The following PRIM2 variants were observed in gnomAD, a reference collection of about 807,000 sequenced individuals.
PRIM2 encodes the protein DNA primase large subunit.
PRIM2 carries 39 observed loss-of-function variants against 67.3 expected under a neutral mutation model. The observed-to-expected ratio is 0.58, with a 90% CI of 0.45 to 0.76. PRIM2 has a LOEUF of 0.76. Among genes scored for constraint, PRIM2 ranks in the 30% least tolerant of loss-of-function variants. The pLI, the probability that PRIM2 is intolerant of heterozygous loss-of-function variation, is 0.00. For missense variants in PRIM2, 398 were observed against 598.7 expected (o/e 0.66, Z 3.50); for synonymous variants, 143 against 198.7 (o/e 0.72, Z 2.36).
In PRIM2 at chr6:57,469,877, A is replaced by G. The variant is rs1477946839; in HGVS notation, c.694-37510A>G. 3.3e-5 allele frequency among the ~76,000 whole-genome samples: 5 copies of G among 152,368 alleles called. No individual in the cohort carries two copies. The South Asian group carries it at 1.0e-3, about 32-fold the overall frequency. On this transcript the variant is annotated intron_variant, in intron 7 of 13. Transcript: ENST00000615550. ...ATCTAAAAGATCTCCACCACACAGAATTATAAACTTCTGCTGCCCACATTT... is the reference window on the plus strand; with the variant it reads ...ATCTAAAAGATCTCCACCACACAGAGTTATAAACTTCTGCTGCCCACATTT...
intron 11 of PRIM2, among the ~76,000 whole-genome samples, chr6:57,605,160 G>A (rs1304315739): frequency 1.3e-5 from 2 of 152,132 alleles, no homozygotes; most frequent in Non-Finnish European, 2.9e-5. Context: ...ATGTGCTGCT[G>A]GATTCAGTTT....
At chr6:57,327,210 A>G (rs1324035626) in intron 5 of PRIM2, among the ~76,000 whole-genome samples, 1 of 152,028 alleles carries the variant, frequency 6.6e-6, no homozygotes, top group East Asian at 1.9e-4. Flanking sequence ...CCTAGAATTT[A>G]TGTCTTTTAG....
At chr6:57,319,084 A>G (rs10733187) in intron 2 of PRIM2, among the ~76,000 whole-genome samples, 36,699 of 152,148 alleles carry the variant, frequency 0.24, 4,660 homozygotes, top group East Asian at 0.46. Flanking sequence ...GAAGAAGTGA[A>G]GAGTTTTTCC....
the PRIM2 span, among the ~76,000 whole-genome samples, chr6:57,289,240 A>C: frequency 6.6e-6 from 1 of 152,206 alleles, no homozygotes; most frequent in Non-Finnish European, 1.5e-5. Flanking sequence ...TAAAGCAAGA[A>C]GAGAAGATTA....
At chr6:57,613,873 C>T (rs1776707304) in intron 12 of PRIM2, among the ~76,000 whole-genome samples, 1 of 151,980 alleles carries the variant, frequency 6.6e-6, no homozygotes, top group African/African-American at 2.4e-5. Context: ...TTTTTTGAGA[C>T]AGAGTTTCGC....
chr6:57,454,689 G>A (rs1224748137), intron 7 of PRIM2, among the ~76,000 whole-genome samples: 1 of 151,778 alleles, frequency 6.6e-6, no homozygotes, highest in African/African-American at 2.4e-5. Context: ...TTCTTTATTA[G>A]TCTTGCTAGT....
the PRIM2 span, among the ~76,000 whole-genome samples, chr6:57,307,290 G>C: frequency 6.7e-6 from 1 of 149,852 alleles, no homozygotes; most frequent in Non-Finnish European, 1.5e-5. Context: ...GTCTTGCTCT[G>C]TTGCCCAGGC....
chr6:57,266,710 A>G, the PRIM2 span, among the ~76,000 whole-genome samples: 6 of 152,188 alleles, frequency 3.9e-5, no homozygotes. Context: ...TTAGAATAAC[A>G]TTTTGTAGTG....
Position 57,379,978 on chromosome 6 carries a change from G to A in PRIM2, c.537G>A (p.Gly179=), listed in dbSNP as rs772668570. ...SSPSLSGLKL[G]FESIYKIPFA... ...CAAGTTTAAGTGGACTTAAGTTGGGGTTCGAGTCCATTTATAAGGTATGTA... is the reference window on the plus strand; with the variant it reads ...CAAGTTTAAGTGGACTTAAGTTGGGATTCGAGTCCATTTATAAGGTATGTA... Residue 179 remains glycine (G), a synonymous_variant, in exon 6 of 14, where the codon GGG becomes GGA. Coordinates refer to ENST00000615550, the MANE Select transcript of PRIM2 (RefSeq NM_000947.5). 10 of 1,556,128 alleles carry A rather than the reference G, an allele frequency of 6.4e-6. No homozygotes were observed. The South Asian group carries it at 1.1e-4, about 17-fold the overall frequency.
At chr6:57,393,092 A>G (rs1047097682) in intron 7 of PRIM2, among the ~76,000 whole-genome samples, 9 of 149,684 alleles carry the variant, frequency 6.0e-5, no homozygotes, top group Admixed American at 1.3e-4. Context: ...CGATTTTGCA[A>G]TTGTCAGTTG....
chr6:57,553,720 C>T (rs1388608034), intron 10 of PRIM2, among the ~76,000 whole-genome samples: 7 of 152,102 alleles, frequency 4.6e-5, no homozygotes, highest in African/African-American at 1.2e-4. Context: ...AGTTATATTG[C>T]GACTGCAGAA....
intron 10 of PRIM2, among the ~76,000 whole-genome samples, chr6:57,579,067 C>A (rs1776026153): frequency 1.3e-5 from 2 of 152,110 alleles, no homozygotes; most frequent in East Asian, 3.9e-4. Flanking sequence ...CCTGAATCAA[C>A]CACATCTCCA....
At chr6:57,262,807 A>G in the PRIM2 span, among the ~76,000 whole-genome samples, 2 of 152,110 alleles carry the variant, frequency 1.3e-5, no homozygotes, top group African/African-American at 4.8e-5. Flanking sequence ...AGGTTCTGCA[A>G]CCTGCTTCCA....
chr6:57,275,482 CTG>C, the PRIM2 span, among the ~76,000 whole-genome samples: 7,364 of 152,234 alleles, frequency 0.048, 223 homozygotes, highest in Non-Finnish European at 0.072. Flanking sequence ...GAGTGAGACT[CTG>C]TTTCAAAAAA....
chr6:57,541,522 A>G (rs1203948194), intron 10 of PRIM2, among the ~76,000 whole-genome samples: 1 of 152,210 alleles, frequency 6.6e-6, no homozygotes, highest in African/African-American at 2.4e-5. Context: ...AGTAAGGCTT[A>G]TGGTCAACAG....
At position 57,403,501 on chromosome 6, in the gene PRIM2, G is replaced by A. The variant is rs181347612; in HGVS notation, c.693+21333G>A. Among the ~76,000 whole-genome samples the A allele has an allele frequency of 5.3e-5, 8 of 151,926 alleles. No homozygotes were observed. In the East Asian group the frequency reaches 9.7e-4, roughly 18 times the overall value. ...ATGGTCTCAATCTCCTGACCTCATG[G>A]TGCATCTGCCATGGCCTCCCAAAAT... On this transcript the variant is annotated intron_variant, in intron 7 of 13. Transcript: ENST00000615550.
At chr6:57,438,181 AT>A (rs111348031) in intron 7 of PRIM2, among the ~76,000 whole-genome samples, 6 of 152,220 alleles carry the variant, frequency 3.9e-5, no homozygotes, top group Non-Finnish European at 2.9e-5. Context: ...GTTCTTTTAG[AT>A]TTTTTTAAAA....
chr6:57,300,738 C>T, the PRIM2 span, among the ~76,000 whole-genome samples: 450 of 152,118 alleles, frequency 3.0e-3, 2 homozygotes, highest in African/African-American at 0.01. Flanking sequence ...AACAACAGTC[C>T]CCGGCCGGGT....
chr6:57,302,765 A>G, the PRIM2 span, among the ~76,000 whole-genome samples: 1 of 152,340 alleles, frequency 6.6e-6, no homozygotes, highest in Admixed American at 6.5e-5. Context: ...ACTCAGTCAT[A>G]AGAGTCCATT....
Sources: allele counts gnomAD v4.1 joint callset (sites outside exome capture counted in the v4.1 genomes callset), GRCh38; gene constraint gnomAD v4.1.1; transcripts MANE v1.5; gene names NCBI Gene and HGNC (gene_info 2026-07-23, HGNC 2026-07-21).